LARP4B: variants seen among roughly 807,000 people sequenced by gnomAD.
LARP4B encodes la-related protein 4B.
LARP4B carries 12 observed loss-of-function variants against 89.8 expected under a neutral mutation model. The observed-to-expected ratio is 0.13, with a 90% CI of 0.09 to 0.22. The LOEUF (loss-of-function observed/expected upper bound fraction) is 0.22. LARP4B is among the 10% of genes least tolerant of loss of function. The pLI is 1.00. For synonymous variants in LARP4B, 367 were observed against 363.3 expected, an observed-to-expected ratio of 1.01 and a Z score of -0.12; for missense variants, 757 against 947.7, an observed-to-expected ratio of 0.80 and a Z score of 2.64.
At chr10:930,618 G>A (rs917903473) in intron 1 of LARP4B, among the ~76,000 whole-genome samples, 4 of 152,230 alleles carry the variant, frequency 2.6e-5, no homozygotes, top group African/African-American at 9.7e-5. Context: ...CGCACCCTGA[G>A]AGGCAGGTGC....
chr10:965,155 A>G, the LARP4B span, among the ~76,000 whole-genome samples: 1 of 152,190 alleles, frequency 6.6e-6, no homozygotes, highest in Non-Finnish European at 1.5e-5. Flanking sequence ...CCTTGGGAGA[A>G]TGGGTCCTTC....
chr10:873,714 A>T (rs766608093), intron 3 of LARP4B, among the ~76,000 whole-genome samples: 2 of 152,232 alleles, frequency 1.3e-5, no homozygotes, highest in South Asian at 4.1e-4. Flanking sequence ...AAAAAAATAA[A>T]TAGCAATAAA....
At chr10:931,055 G>C (rs1272720986) in intron 1 of LARP4B, among the ~76,000 whole-genome samples, 1 of 150,318 alleles carries the variant, frequency 6.7e-6, no homozygotes, top group East Asian at 2.0e-4. Context: ...CGGTCTTCCG[G>C]GCACCCAGCT....
At chr10:854,703 T>C (rs1834216011) in intron 5 of LARP4B, among the ~76,000 whole-genome samples, 1 of 152,158 alleles carries the variant, frequency 6.6e-6, no homozygotes, top group African/African-American at 2.4e-5. Flanking sequence ...AGAGCAAATT[T>C]AGCATCATTC....
At position 842,920 on chromosome 10, in the gene LARP4B, T is replaced by C. The variant is rs539944215; in HGVS notation, c.646+12A>G. ...GGACAAGTATTATTAATTTAAATTGTCATTTACTTACATCTTAGCACTTCC... is the reference window on the plus strand; with the variant it reads ...GGACAAGTATTATTAATTTAAATTGCCATTTACTTACATCTTAGCACTTCC... On this transcript the variant is annotated intron_variant, in intron 7 of 17. Transcript: ENST00000316157. 41 of 1,611,928 alleles carry C rather than the reference T, an allele frequency of 2.5e-5. No individual in the cohort carries two copies. The African/African-American group carries it at 4.9e-4, about 19-fold the overall frequency.
intron 1 of LARP4B, among the ~76,000 whole-genome samples, chr10:915,392 CAA>C (rs1345614579): frequency 6.6e-6 from 1 of 151,898 alleles, no homozygotes; most frequent in East Asian, 1.9e-4. Context: ...ATGAGGATAA[CAA>C]AAGACTTTTG....
chr10:864,360 T>C, intron 3 of LARP4B, 90 bp from the exon 4 acceptor site: 5 of 1,305,304 alleles, frequency 3.8e-6, no homozygotes, highest in South Asian at 1.3e-5. Flanking sequence ...ACATCAGATA[T>C]AGGCTCCAAA....
Position 931,451 on chromosome 10 carries a change from G to T in LARP4B, c.-63C>A. On this transcript the variant is annotated 5_prime_UTR_variant, in exon 1 of 18. Transcript: ENST00000316157. Reference sequence around the variant, plus strand: ...ACCTGTCAGCGCCGCCGCCCCGCCCGACCGGCCGCCCGCGGGCTCCTCGCC... The same window carrying T: ...ACCTGTCAGCGCCGCCGCCCCGCCCTACCGGCCGCCCGCGGGCTCCTCGCC... The T allele has an allele frequency of 6.8e-6, 1 of 146,392 alleles. No individual in the cohort carries two copies. Among genetic ancestry groups the T allele is most frequent in the South Asian group, 2.1e-4 (1 of 4,848 alleles). 9.1% of individuals were successfully genotyped at this position (146,392 alleles called of 1,614,324 possible).
chr10:921,438 T>C (rs1836977864), intron 1 of LARP4B, among the ~76,000 whole-genome samples: 1 of 152,178 alleles, frequency 6.6e-6, no homozygotes, highest in Non-Finnish European at 1.5e-5. Context: ...TGTGATTTCA[T>C]GAAAAACCTA....
chr10:850,550 T>C (rs367777954), intron 5 of LARP4B, among the ~76,000 whole-genome samples: 28 of 152,338 alleles, frequency 1.8e-4, no homozygotes, highest in African/African-American at 6.0e-4. Flanking sequence ...TTTCTTTCAA[T>C]AGTTGACAGA....
At chr10:973,222 G>A in the LARP4B span, among the ~76,000 whole-genome samples, 65 of 152,288 alleles carry the variant, frequency 4.3e-4, 1 homozygote, top group East Asian at 2.7e-3. Flanking sequence ...ACAACTCACC[G>A]GGGCAGGGGG....
chr10:859,981 C>T (rs1834512039), intron 5 of LARP4B, among the ~76,000 whole-genome samples: 1 of 151,852 alleles, frequency 6.6e-6, no homozygotes, highest in African/African-American at 2.4e-5. Flanking sequence ...TCCAAACCCA[C>T]AGAACGTACA....
At chr10:832,547 A>C (rs1447611546) in intron 8 of LARP4B, among the ~76,000 whole-genome samples, 1 of 152,248 alleles carries the variant, frequency 6.6e-6, no homozygotes, top group African/African-American at 2.4e-5. Flanking sequence ...AGCATATTGC[A>C]ATCAACTTGC....
At chr10:933,702 G>C (rs1830714209), upstream of LARP4B, among the ~76,000 whole-genome samples, 1 of 152,168 alleles carries the variant, frequency 6.6e-6, no homozygotes, top group Non-Finnish European at 1.5e-5. Flanking sequence ...GTAGGCCATA[G>C]TGTCCTTGCT....
the LARP4B span, among the ~76,000 whole-genome samples, chr10:946,537 T>G: frequency 2.6e-5 from 4 of 152,226 alleles, no homozygotes; most frequent in Admixed American, 1.3e-4. Flanking sequence ...TGAAAGAATC[T>G]CATAGGGTTA....
At chr10:900,079 C>T (rs1479374232) in intron 1 of LARP4B, among the ~76,000 whole-genome samples, 1 of 151,770 alleles carries the variant, frequency 6.6e-6, no homozygotes, top group Non-Finnish European at 1.5e-5. Flanking sequence ...GGCACAGTGG[C>T]TCACGCCTAT....
intron 6 of LARP4B, among the ~76,000 whole-genome samples, 182 bp from the exon 7 acceptor site, chr10:843,250 C>T (rs531433176): frequency 6.6e-6 from 1 of 152,280 alleles, no homozygotes; most frequent in South Asian, 2.1e-4. Context: ...TGCAAAATCT[C>T]GGCCTTGGAG....
chr10:955,308 G>A, the LARP4B span, among the ~76,000 whole-genome samples: 7 of 152,222 alleles, frequency 4.6e-5, no homozygotes, highest in African/African-American at 9.6e-5. The surrounding 1 kb of genome is among the most constrained non-coding windows in gnomAD (Gnocchi z 5.2). Context: ...AGCCAGGACT[G>A]CAGCCCGTGG....
At chr10:932,027 C>T (rs1830642088), upstream of LARP4B, among the ~76,000 whole-genome samples, 2 of 148,670 alleles carry the variant, frequency 1.3e-5, no homozygotes, top group Admixed American at 1.3e-4. Context: ...GAGCGCCTGA[C>T]GCTGGGGGGC....
Sources: gnomAD v4.1 joint callset for allele counts (sites outside exome capture counted in the v4.1 genomes callset) on GRCh38, gnomAD v4.1.1 for gene constraint, Gnocchi (gnomAD v3.1) non-coding constraint, MANE v1.5 for transcripts, NCBI Gene and HGNC (gene_info 2026-07-23, HGNC 2026-07-21) for gene names.